COMT: variants seen among roughly 807,000 people sequenced by gnomAD.
The protein encoded by COMT is catechol O-methyltransferase.
COMT carries 13 observed loss-of-function variants against 18.9 expected under a neutral mutation model. That is an observed-to-expected ratio of 0.69 (90% CI 0.45 to 1.09). COMT has a LOEUF of 1.09. Ranked by LOEUF, COMT falls within the 50% of genes least tolerant of loss-of-function variation. The probability of loss-of-function intolerance (pLI) is 0.00; values close to 1 mark genes in which losing one functional copy is unlikely to be tolerated. For synonymous variants in COMT, 150 were observed against 160.9 expected (o/e 0.93, Z 0.51); for missense variants, 329 against 361.8 (o/e 0.91, Z 0.73).
At chr22:19,958,499 T>C (rs929253760) in intron 1 of COMT, among the ~76,000 whole-genome samples, 4 of 151,264 alleles carry the variant, frequency 2.6e-5, no homozygotes, top group African/African-American at 9.7e-5. Context: ...ACCAAACTGT[T>C]TTCCACGGCA....
Position 19,950,241 on chromosome 22 carries a change from CTTT to C in COMT, c.-92+8364_-92+8366del, listed in dbSNP as rs55653258. ...TATATTTTTTCTTTTCTTTTCTTTTCTTTTTTTTTTTTTTTTTTTTTTCTGTAG... is the reference window on the plus strand; with the variant it reads ...TATATTTTTTCTTTTCTTTTCTTTTCTTTTTTTTTTTTTTTTTTTCTGTAG... On this transcript the variant is annotated intron_variant, in intron 1 of 5. Transcript: ENST00000361682. 2.9e-3 allele frequency among the ~76,000 whole-genome samples: 252 copies of C among 87,862 alleles called. 2 individuals carry two copies. Among genetic ancestry groups the C allele is most frequent in the Non-Finnish European group, 3.8e-3 (172 of 45,620 alleles). 57.6% of individuals were successfully genotyped at this position (87,862 alleles called of 152,430 possible). A position where few individuals can be genotyped will look rare whatever the true frequency, so the allele number is the denominator to read the frequency against.
At chr22:19,945,245 A>C (rs974503383) in intron 1 of COMT, among the ~76,000 whole-genome samples, 8 of 152,158 alleles carry the variant, frequency 5.3e-5, no homozygotes, top group African/African-American at 1.9e-4. Context: ...TGGGCCTTAG[A>C]ACCTTGGGAT....
At chr22:19,948,954 CAAAAAAAAAAAA>C (rs71186636) in intron 1 of COMT, among the ~76,000 whole-genome samples, 1 of 86,864 alleles carries the variant, frequency 1.2e-5, no homozygotes, top group African/African-American at 4.2e-5. Context: ...GACTCTGTCT[CAAAAAAAAAAAA>C]AAAAAAAAAA....
chr22:19,948,152 AC>A (rs1941870543), intron 1 of COMT, among the ~76,000 whole-genome samples: 1 of 152,226 alleles, frequency 6.6e-6, no homozygotes, highest in African/African-American at 2.4e-5. Context: ...ATCTAATGTA[AC>A]TATTCTTATT....
intron 1 of COMT, among the ~76,000 whole-genome samples, chr22:19,946,912 T>G (rs868794288): frequency 0.34 from 42,884 of 127,592 alleles, 6,371 homozygotes; most frequent in Non-Finnish European, 0.4. Flanking sequence ...TTTTTTTAGT[T>G]TTTTTTTTTT....
At chr22:19,947,393 G>A (rs1166991841) in intron 1 of COMT, among the ~76,000 whole-genome samples, 3 of 152,066 alleles carry the variant, frequency 2.0e-5, no homozygotes, top group Admixed American at 6.5e-5. Flanking sequence ...ACCAAGATGC[G>A]GAGACCAGTA....
At chr22:19,950,341 T>A (rs533154385) in intron 1 of COMT, among the ~76,000 whole-genome samples, 2 of 147,324 alleles carry the variant, frequency 1.4e-5, no homozygotes, top group African/African-American at 2.5e-5. Context: ...TACCTTGGCC[T>A]CCCAAAGTGC....
intron 1 of COMT, among the ~76,000 whole-genome samples, chr22:19,945,731 T>C (rs1052563455): frequency 9.2e-5 from 14 of 152,140 alleles, no homozygotes; most frequent in African/African-American, 3.4e-4. Context: ...AGTGGCGTGA[T>C]CTCAGCTCAC....
chr22:19,941,785 C>CCA lies in COMT; in HGVS notation c.-202_-201dup. 2.6e-6 allele frequency: 4 copies of CCA among 1,530,874 alleles called. No individual in the cohort carries two copies. The highest frequency in any genetic ancestry group is 3.5e-6 in the Non-Finnish European group (4 of 1,149,336). The allele number at this position is 1,530,874 out of a possible 1,614,324, so 94.8% of individuals were successfully genotyped here. ...AAGCGCCCTCCTAATCCCCGCAGCG[C>CCA]CACCGCCATTGCCGCCATCGTCGTG... is the stretch of plus-strand genomic sequence containing the variant. On this transcript the variant is annotated 5_prime_UTR_variant, in exon 1 of 6. Transcript: ENST00000361682.
rs1312356140 is a variant in COMT, at chr22:19,964,500, G to A, written c.615+201G>A. Reference sequence around the variant, plus strand: ...GGAGATGGGTGGGGAGCTGGGCCAGGGGCCTGGCTGGGTGGCCTGTTGGGA... The same window carrying A: ...GGAGATGGGTGGGGAGCTGGGCCAGAGGCCTGGCTGGGTGGCCTGTTGGGA... On this transcript the variant is annotated intron_variant, in intron 5 of 5. Coordinates refer to ENST00000361682, the MANE Select transcript of COMT (RefSeq NM_000754.4). 1.9e-5 allele frequency: 15 copies of A among 788,404 alleles called. No homozygotes were observed. In the South Asian group the frequency reaches 2.3e-4, roughly 12 times the overall value. The allele number at this position is 788,404 out of a possible 1,614,324, so 48.8% of individuals were successfully genotyped here.
At chr22:19,945,008 TA>T in intron 1 of COMT, among the ~76,000 whole-genome samples, 1 of 152,220 alleles carries the variant, frequency 6.6e-6, no homozygotes, top group East Asian at 1.9e-4. Context: ...CTGGTCTCAT[TA>T]AATTTGGCCT....
chr22:19,951,814 T>G (rs993767217), intron 1 of COMT, among the ~76,000 whole-genome samples: 2 of 152,046 alleles, frequency 1.3e-5, no homozygotes, highest in African/African-American at 2.4e-5. Flanking sequence ...GAAGGGAGGG[T>G]TAGCCTTGGG....
chr22:19,956,601 A>C (rs1251922437), intron 1 of COMT, among the ~76,000 whole-genome samples: 1 of 151,824 alleles, frequency 6.6e-6, no homozygotes, highest in Non-Finnish European at 1.5e-5. Context: ...TGATCTCGAA[A>C]TCCTGACCTT....
At chr22:19,957,718 C>T (rs867984083) in intron 1 of COMT, among the ~76,000 whole-genome samples, 1 of 152,250 alleles carries the variant, frequency 6.6e-6, no homozygotes, top group Non-Finnish European at 1.5e-5. Context: ...CACGATCATG[C>T]CTGCCCTCTA....
At chr22:19,954,040 C>G (rs1942006332) in intron 1 of COMT, among the ~76,000 whole-genome samples, 1 of 152,168 alleles carries the variant, frequency 6.6e-6, no homozygotes, top group Admixed American at 6.5e-5. Flanking sequence ...CCCAGCTGGC[C>G]CCCTGGGGCT....
chr22:19,962,909 C>G (rs1468930469), intron 3 of COMT, 94 bp downstream of exon 3: 1 of 1,457,096 alleles, frequency 6.9e-7, no homozygotes, highest in Non-Finnish European at 9.3e-7. Context: ...CACCCCATTT[C>G]CAGGGGGCTG....
intron 5 of COMT, chr22:19,965,259 C>G (rs183349916): frequency 2.0e-5 from 3 of 152,336 alleles, no homozygotes; most frequent in African/African-American, 7.2e-5. Flanking sequence ...TGCCTGTAAC[C>G]CTTGCACTTT....
At position 19,968,613 on chromosome 22, in the gene COMT, A is replaced by G. The variant is rs1199243850; in HGVS notation, c.693A>G (p.Ala231=). ...GCCCAGGTGCGCCAGACTTCCTAGC[A>G]CACGTGCGCGGGAGCAGCTGCTTTG... ...VICPGAPDFL[A]HVRGSSCFEC... Residue 231 remains alanine (A), a synonymous_variant, in exon 6 of 6, where the codon GCA becomes GCG. Coordinates refer to ENST00000361682, the MANE Select transcript of COMT (RefSeq NM_000754.4). The G allele has an allele frequency of 1.2e-6, 2 of 1,614,046 alleles. No individual in the cohort carries two copies. The highest frequency in any genetic ancestry group is 2.2e-5 in the South Asian group (2 of 91,084).
chr22:19,966,436 TAAAAAAAAAA>T (rs362115), intron 5 of COMT, among the ~76,000 whole-genome samples: 1 of 135,306 alleles, frequency 7.4e-6, no homozygotes, highest in Admixed American at 7.4e-5. Context: ...AGTTCCCCCT[TAAAAAAAAAA>T]AAAAAAAAAG....
Sources: allele counts gnomAD v4.1 joint callset (sites outside exome capture counted in the v4.1 genomes callset), GRCh38; gene constraint gnomAD v4.1.1; transcripts MANE v1.5; gene names NCBI Gene and HGNC (gene_info 2026-07-23, HGNC 2026-07-21).